The following ZMAT4 variants were observed in gnomAD, a reference collection of about 807,000 sequenced individuals.
ZMAT4 encodes the protein zinc finger matrin-type protein 4.
ZMAT4 carries 17 observed loss-of-function variants against 28.7 expected under a neutral mutation model. The observed-to-expected ratio is 0.59, with a 90% CI of 0.41 to 0.89. The LOEUF (loss-of-function observed/expected upper bound fraction) is 0.89, where lower values mean the gene tolerates loss of function less well. Among genes scored for constraint, ZMAT4 ranks in the 40% least tolerant of loss-of-function variants. ZMAT4 has a pLI of 0.00. For missense variants in ZMAT4, 240 were observed against 283.8 expected (o/e 0.85, Z 1.11); for synonymous variants, 117 against 109.2 (o/e 1.07, Z -0.44).
At chr8:40,678,529 C>T (rs1296526734) in intron 4 of ZMAT4, among the ~76,000 whole-genome samples, 2 of 152,188 alleles carry the variant, frequency 1.3e-5, no homozygotes, top group South Asian at 4.1e-4. Context: ...ATCCCATATG[C>T]TTTGTGGGGC....
At chr8:40,782,475 CAT>C (rs1467310717) in intron 2 of ZMAT4, among the ~76,000 whole-genome samples, 1 of 152,084 alleles carries the variant, frequency 6.6e-6, no homozygotes, top group African/African-American at 2.4e-5. Context: ...ATTTTCAAAT[CAT>C]GTATCTGTTA....
intron 3 of ZMAT4, among the ~76,000 whole-genome samples, chr8:40,711,882 G>A (rs1272049757): frequency 1.3e-5 from 2 of 152,116 alleles, no homozygotes; most frequent in Non-Finnish European, 2.9e-5. Context: ...CACAACCTGG[G>A]TAGTGGTTAT....
chr8:40,859,545 G>A lies in ZMAT4; in HGVS notation c.-4-33865C>T, dbSNP rs1817417650. Reference sequence around the variant, plus strand: ...AAGGGGAATTACAGGCCCAGCTATTGCCTTCAGTGGGCTTTTAACATAAGC... The same window carrying A: ...AAGGGGAATTACAGGCCCAGCTATTACCTTCAGTGGGCTTTTAACATAAGC... On this transcript the variant is annotated intron_variant, in intron 1 of 6. Coordinates refer to ENST00000297737, the MANE Select transcript of ZMAT4 (RefSeq NM_024645.3). Among the ~76,000 whole-genome samples, 4 of 152,232 alleles carry A rather than the reference G, an allele frequency of 2.6e-5. No homozygotes were observed. The South Asian group carries it at 8.3e-4, about 32-fold the overall frequency.
intron 1 of ZMAT4, among the ~76,000 whole-genome samples, chr8:40,870,514 C>A (rs1343342368): frequency 6.6e-6 from 1 of 152,210 alleles, no homozygotes; most frequent in African/African-American, 2.4e-5. Flanking sequence ...ATTAAGAAGT[C>A]TGATTAATTC....
At chr8:40,707,032 C>A (rs1810386415) in intron 3 of ZMAT4, among the ~76,000 whole-genome samples, 3 of 152,192 alleles carry the variant, frequency 2.0e-5, no homozygotes, top group Non-Finnish European at 2.9e-5. Flanking sequence ...TCGCTCTCCT[C>A]CAGCTACGTT....
At chr8:40,782,980 T>G (rs900340909) in intron 2 of ZMAT4, among the ~76,000 whole-genome samples, 2 of 152,172 alleles carry the variant, frequency 1.3e-5, no homozygotes, top group Non-Finnish European at 2.9e-5. Context: ...CATAAAATGG[T>G]GTGGCCAGTT....
intron 3 of ZMAT4, among the ~76,000 whole-genome samples, chr8:40,729,977 T>A (rs1811468801): frequency 6.6e-6 from 1 of 152,212 alleles, no homozygotes; most frequent in Admixed American, 6.5e-5. Flanking sequence ...AACAATATAT[T>A]TGAGTAACCA....
chr8:40,785,312 G>T (rs1814025269), intron 2 of ZMAT4, among the ~76,000 whole-genome samples: 1 of 152,100 alleles, frequency 6.6e-6, no homozygotes, highest in Admixed American at 6.5e-5. Flanking sequence ...TTTCATTTCG[G>T]CAATTCATAA....
At chr8:40,875,113 C>G (rs746173061) in intron 1 of ZMAT4, among the ~76,000 whole-genome samples, 12 of 152,200 alleles carry the variant, frequency 7.9e-5, no homozygotes, top group Admixed American at 6.5e-5. Context: ...CATCCAGGGA[C>G]AAAGCTAGAT....
intron 3 of ZMAT4, among the ~76,000 whole-genome samples, chr8:40,736,117 T>A (rs1175351277): frequency 6.6e-6 from 1 of 152,096 alleles, no homozygotes; most frequent in Non-Finnish European, 1.5e-5. Flanking sequence ...AGCCCATCAG[T>A]GGGGATCAGG....
chr8:40,636,429 T>G (rs1806794309), intron 5 of ZMAT4, among the ~76,000 whole-genome samples: 1 of 152,232 alleles, frequency 6.6e-6, no homozygotes, highest in Non-Finnish European at 1.5e-5. Flanking sequence ...CAGTGCTCAA[T>G]TTATTCTGAC....
Position 40,644,126 on chromosome 8 carries a change from A to G in ZMAT4, c.577+30578T>C, listed in dbSNP as rs540270717. Among the ~76,000 whole-genome samples, 38 of 152,304 alleles carry G rather than the reference A, an allele frequency of 2.5e-4. 1 individual carries two copies. Among genetic ancestry groups the G allele is most frequent in the Non-Finnish European group, 4.7e-4 (32 of 68,014 alleles). On this transcript the variant is annotated intron_variant, in intron 5 of 6. Transcript: ENST00000297737. ...AAACCATTTAGGACACTCTAAGCTT[A>G]TAGTAGAGAAATGGATAAGCTTAAA...
At chr8:40,692,084 A>C (rs976602887) in intron 4 of ZMAT4, among the ~76,000 whole-genome samples, 1 of 152,180 alleles carries the variant, frequency 6.6e-6, no homozygotes, top group African/African-American at 2.4e-5. Context: ...TATTATTCTA[A>C]TGTATGCTTC....
intron 3 of ZMAT4, among the ~76,000 whole-genome samples, chr8:40,697,921 A>G (rs1809969199): frequency 6.6e-6 from 1 of 152,174 alleles, no homozygotes; most frequent in African/African-American, 2.4e-5. Flanking sequence ...ATGGTGAAGG[A>G]AAGCAGTCTC....
chr8:40,855,730 C>A (rs1251156205), intron 1 of ZMAT4, among the ~76,000 whole-genome samples: 1 of 151,168 alleles, frequency 6.6e-6, no homozygotes, highest in Non-Finnish European at 1.5e-5. Flanking sequence ...GGCTGGAGTA[C>A]AGTAGTGTGA....
intron 5 of ZMAT4, among the ~76,000 whole-genome samples, chr8:40,612,551 A>G (rs1298477220): frequency 7.3e-6 from 1 of 137,112 alleles, no homozygotes; most frequent in East Asian, 1.9e-4. Flanking sequence ...TTTTCCACTC[A>G]TAGACTTCTG....
intron 2 of ZMAT4, among the ~76,000 whole-genome samples, chr8:40,815,505 T>C (rs1362754082): frequency 6.6e-6 from 1 of 152,110 alleles, no homozygotes; most frequent in Non-Finnish European, 1.5e-5. Flanking sequence ...CAAACATCCA[T>C]CTAAATAAGA....
At chr8:40,577,066 T>A (rs575043278) in intron 6 of ZMAT4, among the ~76,000 whole-genome samples, 1 of 152,182 alleles carries the variant, frequency 6.6e-6, no homozygotes, top group African/African-American at 2.4e-5. Flanking sequence ...TTATGGTGGA[T>A]GCCTGTAATC....
rs80277371 is a variant in ZMAT4, at chr8:40,810,318, G to C, written c.102+15257C>G. The stretch of plus-strand genomic sequence containing the variant: ...CTACAATAAAAGAAGATAGATACGT[G>C]ATTTGTCCCTCTCAGATATTAAAGC... On this transcript the variant is annotated intron_variant, in intron 2 of 6. Coordinates refer to ENST00000297737, the MANE Select transcript of ZMAT4 (RefSeq NM_024645.3). Among the ~76,000 whole-genome samples, 1,221 of 152,210 alleles carry C rather than the reference G, an allele frequency of 8.0e-3. 23 individuals carry two copies. The highest frequency in any genetic ancestry group is 0.028 in the African/African-American group (1,167 of 41,524).
Sources: allele counts gnomAD v4.1 joint callset (sites outside exome capture counted in the v4.1 genomes callset), GRCh38; gene constraint gnomAD v4.1.1; transcripts MANE v1.5; gene names NCBI Gene and HGNC (gene_info 2026-07-23, HGNC 2026-07-21).